PCNT: variants seen among roughly 807,000 people sequenced by gnomAD.
The protein encoded by PCNT is kendrin.
PCNT carries 319 observed loss-of-function variants against 380.4 expected under a neutral mutation model. That is an observed-to-expected ratio of 0.84 (90% confidence interval 0.77 to 0.92). PCNT has a LOEUF of 0.92. Ranked by LOEUF, PCNT falls within the 40% of genes least tolerant of loss-of-function variation. The pLI is 0.00. For synonymous variants in PCNT, 1,845 were observed against 1,735.2 expected (o/e 1.06, Z -1.57); for missense variants, 4,400 against 4,255.3 (o/e 1.03, Z -0.95).
chr21:46,338,873 C>T (rs1472189062), intron 3 of PCNT, among the ~76,000 whole-genome samples: 1 of 151,714 alleles, frequency 6.6e-6, no homozygotes, highest in Non-Finnish European at 1.5e-5. Context: ...CTCTGCCTCC[C>T]AGGCTCAAGG....
chr21:46,373,254 CA>C (rs949791506), intron 15 of PCNT, among the ~76,000 whole-genome samples: 3 of 151,934 alleles, frequency 2.0e-5, no homozygotes, highest in Non-Finnish European at 4.4e-5. Flanking sequence ...TGGCCTCAAG[CA>C]ATCCTTTTGT....
Position 46,353,170 on chromosome 21 carries a change from A to C in PCNT, c.1523A>C (p.Glu508Ala). 1.9e-6 allele frequency: 3 copies of C among 1,614,114 alleles called. No individual in the cohort carries two copies. Among genetic ancestry groups the C allele is most frequent in the Non-Finnish European group, 2.5e-6 (3 of 1,180,022 alleles). ...GATTTAGAACAGCTGAAGCAGCGAG[A>C]AAAAACCCAGCATGAGTCCGAACTG... is the stretch of plus-strand genomic sequence containing the variant. ...VEDLEQLKQR[E>A]KTQHESELEQ... is the part of the protein sequence containing the mutation. Residue 508 changes from glutamate to alanine, a missense_variant, in exon 10 of 47, where the codon GAA (glutamate) becomes GCA (alanine). Physicochemically the swap from Glu to Ala is moderately radical, Grantham distance 107. Transcript: ENST00000359568.
chr21:46,391,408 A>G, intron 21 of PCNT, 32 bp downstream of exon 21: 5 of 1,520,302 alleles, frequency 3.3e-6, no homozygotes, highest in Non-Finnish European at 4.5e-6. Flanking sequence ...GGGTGGTGCG[A>G]GCTGTGGGGC....
In PCNT at chr21:46,432,062, G is replaced by A; in HGVS notation, c.8598G>A (p.Glu2866=). The change falls in exon 38 of 47, where the codon GAG becomes GAA. Residue 2866 remains glutamate, a synonymous_variant. Transcript: ENST00000359568. The stretch of plus-strand genomic sequence containing the variant: ...GATGCTCTCTGGAGAGAGAGAGGGA[G>A]AAACCAGCGTGGTTGCAGGCAGAAT... ...ELRCSLERER[E]KPAWLQAELE... 1 of 1,614,060 alleles carries A rather than the reference G, an allele frequency of 6.2e-7. No homozygotes were observed.
At position 46,351,336 on chromosome 21, in the gene PCNT, A is replaced by T. The variant is rs2084260614; in HGVS notation, c.1345-93A>T. 5.1e-6 allele frequency: 4 copies of T among 787,154 alleles called. No homozygotes were observed. The East Asian group carries it at 9.7e-5, about 19-fold the overall frequency. The allele number at this position is 787,154 out of a possible 1,614,324, so 48.8% of individuals were successfully genotyped here. A position where few individuals can be genotyped will look rare whatever the true frequency, so the allele number is the denominator to read the frequency against. ...TGGGATGTGAGCTTTTACCCTTAGG[A>T]TCGCAGTGGCAGGGATAAAACCGCA... is the stretch of plus-strand genomic sequence containing the variant. On this transcript the variant is annotated intron_variant, in intron 8 of 46. Coordinates refer to ENST00000359568, the MANE Select transcript of PCNT (RefSeq NM_006031.6).
chr21:46,328,877 G>A (rs1336434948), intron 2 of PCNT, among the ~76,000 whole-genome samples: 1 of 152,020 alleles, frequency 6.6e-6, no homozygotes, highest in Non-Finnish European at 1.5e-5. Context: ...GATTTCAAGC[G>A]TTTCTCCTGC....
intron 16 of PCNT, 116 bp downstream of exon 16, chr21:46,381,956 T>C: frequency 1.7e-6 from 2 of 1,158,356 alleles, no homozygotes; most frequent in Non-Finnish European, 2.6e-6. Flanking sequence ...TGTGCATTTA[T>C]AGTGTTGTAC....
intron 33 of PCNT, 103 bp downstream of exon 33, chr21:46,426,074 T>TTTTCA: frequency 1.2e-6 from 1 of 846,172 alleles, no homozygotes; most frequent in Non-Finnish European, 1.7e-6. Context: ...TCTTTCTTTT[T>TTTTCA]TTTTTTTTTT....
At chr21:46,414,418 CCCTCCTCCT>C (rs1024043087) in intron 29 of PCNT, among the ~76,000 whole-genome samples, 2 of 149,308 alleles carry the variant, frequency 1.3e-5, no homozygotes, top group East Asian at 2.0e-4. Context: ...CATCTGTCCA[CCCTCCTCCT>C]CCTCCTCCTC....
Position 46,401,604 on chromosome 21 carries a change from G to A in PCNT, c.4845G>A (p.Thr1615=), listed in dbSNP as rs772210680. ...QQMSSLLLAS[T]LQSTLDAGRC... ...TGAGTAGCTTGCTTCTGGCGTCCAC[G>A]TTGCAGTCTACACTAGATGCAGGCA... The change falls in exon 26 of 47, where the codon ACG becomes ACA. Residue 1615 remains threonine, a synonymous_variant. Transcript: ENST00000359568. 3.7e-5 allele frequency: 59 copies of A among 1,613,712 alleles called. No homozygotes were observed. The highest frequency in any genetic ancestry group is 2.5e-4 in the South Asian group (23 of 91,070).
chr21:46,363,683 A>G lies in PCNT; in HGVS notation c.2358A>G (p.Ile786Met), dbSNP rs777841149. The stretch of plus-strand genomic sequence containing the variant: ...CTGAATCCGAGAAACAGACCATCAT[A>G]AACAAGTTTGAGCTTCGAGAAGCTG... ...EKAESEKQTI[I>M]NKFELREAEM... Residue 786 changes from isoleucine to methionine, a missense_variant, in exon 14 of 47, where the codon ATA becomes ATG. By Grantham distance (10) the Ile-to-Met change is conservative. Transcript: ENST00000359568. 5.9e-5 allele frequency: 95 copies of G among 1,614,124 alleles called. No individual in the cohort carries two copies. The Admixed American group carries it at 6.2e-4, about 10-fold the overall frequency.
intron 15 of PCNT, among the ~76,000 whole-genome samples, chr21:46,376,690 T>TA (rs1382519494): frequency 3.9e-5 from 6 of 152,346 alleles, no homozygotes; most frequent in South Asian, 2.1e-4. Flanking sequence ...TTGGACCTCT[T>TA]ACTCCTGGCC....
At chr21:46,414,683 TC>T (rs1282443255) in intron 29 of PCNT, among the ~76,000 whole-genome samples, 1 of 96,180 alleles carries the variant, frequency 1.0e-5, no homozygotes, top group Non-Finnish European at 2.1e-5. Flanking sequence ...CTCCTCCTCC[TC>T]CTGGACACAC....
intron 10 of PCNT, among the ~76,000 whole-genome samples, chr21:46,353,639 C>CGT (rs147389000): frequency 6.7e-6 from 1 of 149,794 alleles, no homozygotes; most frequent in African/African-American, 2.5e-5. Context: ...TCCAGGCCTG[C>CGT]GTGTGTGTGT....
chr21:46,392,521 A>G (rs1013475312), intron 21 of PCNT, among the ~76,000 whole-genome samples: 9 of 152,148 alleles, frequency 5.9e-5, no homozygotes, highest in African/African-American at 2.2e-4. Context: ...ATGCCCGGCC[A>G]GCTCCTATGG....
At position 46,442,493 on chromosome 21, in the gene PCNT, G is replaced by C. The variant is rs370966416; in HGVS notation, c.9624-4G>C. On this transcript the variant is annotated splice_region_variant and splice_polypyrimidine_tract_variant and intron_variant, in intron 43 of 46. Transcript: ENST00000359568. ...TAAGTGTGTCTTGTCTCTTTTTTTTGTAGATTACGTTTTTTGGTTAAGAAA... is the reference window on the plus strand; with the variant it reads ...TAAGTGTGTCTTGTCTCTTTTTTTTCTAGATTACGTTTTTTGGTTAAGAAA... The C allele has an allele frequency of 1.9e-6, 3 of 1,587,744 alleles. No individual in the cohort carries two copies. The highest frequency in any genetic ancestry group is 2.6e-6 in the Non-Finnish European group (3 of 1,156,856).
chr21:46,399,266 T>C, intron 24 of PCNT, among the ~76,000 whole-genome samples: 1 of 151,230 alleles, frequency 6.6e-6, no homozygotes, highest in Non-Finnish European at 1.5e-5. Flanking sequence ...GTGCAGCCTG[T>C]GGGTCTGGGT....
At position 46,349,754 on chromosome 21, in the gene PCNT, G is replaced by A. The variant is rs773448951; in HGVS notation, c.1278G>A (p.Glu426=). The A allele has an allele frequency of 5.6e-6, 9 of 1,614,094 alleles. No individual in the cohort carries two copies. In the Admixed American group the frequency reaches 1.5e-4, roughly 27 times the overall value. The part of the protein sequence containing the change: ...IEKLREDLQS[E]HGRCLEDLEF... ...AGTTACGTGAAGACCTGCAGTCCGA[G>A]CACGGCCGGTGTTTAGAAGACTTGG... Residue 426 remains glutamate, a synonymous_variant, in exon 8 of 47, where the codon GAG becomes GAA. Coordinates refer to ENST00000359568, the MANE Select transcript of PCNT (RefSeq NM_006031.6).
Position 46,438,912 on chromosome 21 carries a change from G to A in PCNT, c.9273+575G>A, listed in dbSNP as rs542945209. On this transcript the variant is annotated intron_variant, in intron 41 of 46. Transcript: ENST00000359568. Reference sequence around the variant, plus strand: ...GGTCTCAAAATCCTGACGTGATTCCGCCCACCTCAGCCTCCCAAAGTGCTG... The same window carrying A: ...GGTCTCAAAATCCTGACGTGATTCCACCCACCTCAGCCTCCCAAAGTGCTG... Among the ~76,000 whole-genome samples the A allele has an allele frequency of 3.9e-5, 6 of 151,916 alleles. No homozygotes were observed. The South Asian group carries it at 6.2e-4, about 16-fold the overall frequency.
Sources: allele counts gnomAD v4.1 joint callset (sites outside exome capture counted in the v4.1 genomes callset), GRCh38; gene constraint gnomAD v4.1.1; transcripts MANE v1.5; gene names NCBI Gene and HGNC (gene_info 2026-07-23, HGNC 2026-07-21).